Variants in RIMBP2 observed in about 807,000 individuals in gnomAD.
The protein encoded by RIMBP2 is RIMS-binding protein 2.
RIMBP2 carries 48 observed loss-of-function variants against 118.6 expected under a neutral mutation model. The ratio of observed to expected loss-of-function variants is 0.40; its 90% CI spans 0.32 to 0.51. RIMBP2 has a LOEUF of 0.51. Ranked by LOEUF, RIMBP2 falls within the 20% of genes least tolerant of loss-of-function variation. The pLI is 0.41. For synonymous variants in RIMBP2, 762 were observed against 742.9 expected, an observed-to-expected ratio of 1.03 and a Z score of -0.42; for missense variants, 1,551 against 1,768.3, an observed-to-expected ratio of 0.88 and a Z score of 2.20.
chr12:130,661,045 C>T (rs1173518305), intron 1 of RIMBP2, among the ~76,000 whole-genome samples: 3 of 152,172 alleles, frequency 2.0e-5, no homozygotes, highest in Non-Finnish European at 4.4e-5. Flanking sequence ...ATGGCAAGAC[C>T]CTGTCTCAAA....
intron 1 of RIMBP2, among the ~76,000 whole-genome samples, chr12:130,681,779 C>T (rs1334945525): frequency 6.6e-6 from 1 of 152,190 alleles, no homozygotes; most frequent in African/African-American, 2.4e-5. Context: ...ACTACAACCT[C>T]CACCTTCTGG....
chr12:130,682,527 G>A (rs899435858), intron 1 of RIMBP2, among the ~76,000 whole-genome samples: 4 of 152,234 alleles, frequency 2.6e-5, no homozygotes, highest in African/African-American at 7.2e-5. Context: ...CATGCACGGC[G>A]CACCAGGGGT....
rs542954914 is a variant in RIMBP2 at position 130,581,260 on chromosome 12, T to A, written c.-217+47062A>T. ...AGGTCACACAGGGGTGTGCCGGGAG[T>A]CAGGTTCAAACACAACAGGGTGGGG... On this transcript the variant is annotated intron_variant, in intron 2 of 22. Coordinates refer to ENST00000690449, the MANE Select transcript of RIMBP2 (RefSeq NM_001393629.1). This position sits in a 1 kb window ranked among gnomAD's most constrained non-coding sequence, Gnocchi z 4.4. 1.4e-4 allele frequency among the ~76,000 whole-genome samples: 22 copies of A among 151,732 alleles called. No individual in the cohort carries two copies. In the South Asian group the frequency reaches 4.0e-3, roughly 27 times the overall value.
At chr12:130,569,647 C>T (rs770458208) in intron 2 of RIMBP2, among the ~76,000 whole-genome samples, 14 of 152,180 alleles carry the variant, frequency 9.2e-5, no homozygotes, top group Non-Finnish European at 5.9e-5. Flanking sequence ...TGGGTTCTCA[C>T]GAGATCTGGC....
intron 1 of RIMBP2, among the ~76,000 whole-genome samples, chr12:130,706,314 C>G (rs141841776): frequency 2.0e-5 from 3 of 152,198 alleles, no homozygotes; most frequent in Non-Finnish European, 4.4e-5. Flanking sequence ...AACAATCCGT[C>G]GAGGAGAAGA....
rs1042072580 is a variant in RIMBP2, at chr12:130,623,263, T to C, written c.-217+5059A>G. 1.2e-4 allele frequency among the ~76,000 whole-genome samples: 19 copies of C among 152,230 alleles called. No individual in the cohort carries two copies. The highest frequency in any genetic ancestry group is 4.6e-4 in the African/African-American group (19 of 41,460). On this transcript the variant is annotated intron_variant, in intron 2 of 22. Coordinates refer to ENST00000690449, the MANE Select transcript of RIMBP2 (RefSeq NM_001393629.1). The surrounding 1 kb of genome is among the most constrained non-coding windows in gnomAD (Gnocchi z 4.1). ...ACAAATAGAAGCACTTTTATTTTAC[T>C]TTAAGTTCTTGGCTACATGTGCAGA... is the stretch of plus-strand genomic sequence containing the variant.
intron 11 of RIMBP2, among the ~76,000 whole-genome samples, chr12:130,440,655 G>C (rs1181443359): frequency 6.6e-6 from 1 of 152,198 alleles, no homozygotes; most frequent in Non-Finnish European, 1.5e-5. Flanking sequence ...TCAGTGAAAA[G>C]TGGGTGGCCT....
chr12:130,450,211 AAC>A lies in RIMBP2; in HGVS notation c.568_569del (p.Val190CysfsTer4). On this transcript the variant is annotated frameshift_variant, in exon 9 of 23. Transcript: ENST00000690449. LOFTEE classifies it high-confidence loss of function. The surrounding 1 kb of genome is among the most constrained non-coding windows in gnomAD (Gnocchi z 4.8). ...GGGGCCGCACTTACCTATAGCGGGC[AAC>A]ACAGAGGTGGACCTTCCCCGAGTAT... ...QRYSGKVHLC[V>X]ARYSYNPFDG... The A allele has an allele frequency of 6.2e-7, 1 of 1,607,202 alleles. No homozygotes were observed. The highest frequency in any genetic ancestry group is 8.5e-7 in the Non-Finnish European group (1 of 1,176,196).
At chr12:130,613,581 C>T (rs568425426) in intron 2 of RIMBP2, among the ~76,000 whole-genome samples, 2 of 152,186 alleles carry the variant, frequency 1.3e-5, no homozygotes, top group Admixed American at 6.5e-5. Flanking sequence ...TTTGGGAGGC[C>T]GAGGCAGGTG....
intron 1 of RIMBP2, among the ~76,000 whole-genome samples, chr12:130,711,476 G>A (rs1232760815): frequency 6.6e-6 from 1 of 152,134 alleles, no homozygotes; most frequent in East Asian, 1.9e-4. Context: ...CTGGGGTTTT[G>A]TATCAAGATT....
At chr12:130,508,051 A>T (rs2050535873) in intron 3 of RIMBP2, among the ~76,000 whole-genome samples, 1 of 152,214 alleles carries the variant, frequency 6.6e-6, no homozygotes, top group South Asian at 2.1e-4. Context: ...ACGTGATGTT[A>T]TCAGGCAACG....
intron 6 of RIMBP2, among the ~76,000 whole-genome samples, chr12:130,468,506 C>A (rs1015316134): frequency 6.6e-6 from 1 of 152,070 alleles, no homozygotes; most frequent in East Asian, 1.9e-4. Context: ...CACGAACTCA[C>A]CATCCAACTC....
In RIMBP2 at chr12:130,445,194, G is replaced by A. The variant is rs1360970859; in HGVS notation, c.657C>T (p.Val219=). 1 of 1,612,856 alleles carries A rather than the reference G, an allele frequency of 6.2e-7. No homozygotes were observed. The highest frequency in any genetic ancestry group is 1.7e-5 in the Admixed American group (1 of 59,734). ...ACCCATCCTCATCCATGTCTCCATA[G>A]ACGTAGAGGTATTTTCCCGCCGTGA... ...LPLTAGKYLY[V]YGDMDEDGFY... is the part of the protein sequence containing the mutation. The change falls in exon 10 of 23, where the codon GTC becomes GTT. Residue 219 remains valine (V), a synonymous_variant. Transcript: ENST00000690449.
chr12:130,567,266 G>GC (rs2057286429), intron 2 of RIMBP2, among the ~76,000 whole-genome samples: 2 of 152,146 alleles, frequency 1.3e-5, no homozygotes, highest in South Asian at 4.2e-4. Flanking sequence ...ATGTTTGCAG[G>GC]CCCCAGGTTT....
In RIMBP2 at chr12:130,422,926, A is replaced by C. The variant is rs2076508636; in HGVS notation, c.3130-365T>G. On this transcript the variant is annotated intron_variant, in intron 16 of 22. Transcript: ENST00000690449. This position sits in a 1 kb window ranked among gnomAD's most constrained non-coding sequence, Gnocchi z 5.2. The stretch of plus-strand genomic sequence containing the variant: ...AGCACCTGAGTCCCTCTTAGTCTCC[A>C]CATGCCCCCCTCCCAGCTGTCACGA... Among the ~76,000 whole-genome samples the C allele has an allele frequency of 6.6e-6, 1 of 152,162 alleles. No individual in the cohort carries two copies. Among genetic ancestry groups the C allele is most frequent in the African/African-American group, 2.4e-5 (1 of 41,432 alleles).
chr12:130,614,735 G>C (rs765785885), intron 2 of RIMBP2, among the ~76,000 whole-genome samples: 2 of 152,108 alleles, frequency 1.3e-5, no homozygotes, highest in South Asian at 4.2e-4. Context: ...GTGTATCCGT[G>C]CCACAGACTA....
In RIMBP2 at chr12:130,450,182, C is replaced by A; in HGVS notation, c.581+18G>T. 1 of 1,581,082 alleles carries A rather than the reference C, an allele frequency of 6.3e-7. No homozygotes were observed. The highest frequency in any genetic ancestry group is 8.6e-7 in the Non-Finnish European group (1 of 1,157,274). On this transcript the variant is annotated intron_variant, in intron 9 of 22. Coordinates refer to ENST00000690449, the MANE Select transcript of RIMBP2 (RefSeq NM_001393629.1). The surrounding 1 kb of genome is among the most constrained non-coding windows in gnomAD (Gnocchi z 4.8). ...CCCACTCACAGGGGCTCGGTGGACGCCGAGGGGCCGCACTTACCTATAGCG... is the reference window on the plus strand; with the variant it reads ...CCCACTCACAGGGGCTCGGTGGACGACGAGGGGCCGCACTTACCTATAGCG...
chr12:130,488,901 A>T (rs1206393287), intron 4 of RIMBP2, among the ~76,000 whole-genome samples: 1 of 152,198 alleles, frequency 6.6e-6, no homozygotes, highest in African/African-American at 2.4e-5. Context: ...ATATTGCTTC[A>T]CCAGAGGCAG....
Position 130,424,022 on chromosome 12 carries a change from C to G in RIMBP2, c.3129+120G>C, listed in dbSNP as rs150011307. Reference sequence around the variant, plus strand: ...TGAGAAATCAAAAATGCAGGGAAAACGAAAGACAGCCAGCAAGAGAGTCCC... The same window carrying G: ...TGAGAAATCAAAAATGCAGGGAAAAGGAAAGACAGCCAGCAAGAGAGTCCC... On this transcript the variant is annotated intron_variant, in intron 16 of 22. Coordinates refer to ENST00000690449, the MANE Select transcript of RIMBP2 (RefSeq NM_001393629.1). This position sits in a 1 kb window ranked among gnomAD's most constrained non-coding sequence, Gnocchi z 9.8. The G allele has an allele frequency of 2.0e-6, 1 of 502,570 alleles. No individual in the cohort carries two copies. The highest frequency in any genetic ancestry group is 3.1e-6 in the Non-Finnish European group (1 of 322,078). The allele number at this position is 502,570 out of a possible 1,614,324, so 31.1% of individuals were successfully genotyped here. A position where few individuals can be genotyped will look rare whatever the true frequency, so the allele number is the denominator to read the frequency against.
Sources: allele counts gnomAD v4.1 joint callset (sites outside exome capture counted in the v4.1 genomes callset), GRCh38; gene constraint gnomAD v4.1.1; non-coding constraint Gnocchi (gnomAD v3.1); transcripts MANE v1.5; gene names NCBI Gene and HGNC (gene_info 2026-07-23, HGNC 2026-07-21).